The following LRRC3B variants were observed in gnomAD, a reference collection of about 807,000 sequenced individuals.
The protein encoded by LRRC3B is leucine-rich repeat-containing protein 3B.
In LRRC3B, 2 loss-of-function variants were observed where a neutral mutation model predicts 12.8. The observed-to-expected ratio is 0.16, with a 90% CI of 0.06 to 0.49. The LOEUF (loss-of-function observed/expected upper bound fraction) is 0.49, where lower values mean the gene tolerates loss of function less well. LRRC3B is among the 20% of genes least tolerant of loss of function. The pLI, the probability that LRRC3B is intolerant of heterozygous loss-of-function variation, is 0.96. For synonymous variants in LRRC3B, 132 were observed against 122.0 expected (o/e 1.08, Z -0.54); for missense variants, 189 against 319.4 (o/e 0.59, Z 3.11).
At chr3:26,627,529 G>A (rs1698654985) in intron 1 of LRRC3B, among the ~76,000 whole-genome samples, 1 of 152,100 alleles carries the variant, frequency 6.6e-6, no homozygotes, top group Non-Finnish European at 1.5e-5. Flanking sequence ...GAGGGATGAG[G>A]TGGAGGAAGA....
intron 1 of LRRC3B, among the ~76,000 whole-genome samples, chr3:26,652,054 T>C (rs966227612): frequency 7.9e-5 from 12 of 152,184 alleles, no homozygotes; most frequent in African/African-American, 2.9e-4. Flanking sequence ...TACACTGTCT[T>C]GATGCTTTGC....
chr3:26,642,575 T>C, intron 1 of LRRC3B, among the ~76,000 whole-genome samples: 1 of 152,198 alleles, frequency 6.6e-6, no homozygotes, highest in African/African-American at 2.4e-5. Context: ...AGCAAGCTGC[T>C]GGTACAGGTA....
intron 1 of LRRC3B, among the ~76,000 whole-genome samples, chr3:26,696,314 A>G (rs1034669581): frequency 6.6e-6 from 1 of 152,162 alleles, no homozygotes; most frequent in African/African-American, 2.4e-5. Flanking sequence ...TGAATTATGC[A>G]TTTTTTTATT....
intron 1 of LRRC3B, among the ~76,000 whole-genome samples, chr3:26,645,916 G>A (rs9812217): frequency 9.9e-5 from 15 of 151,932 alleles, no homozygotes; most frequent in Non-Finnish European, 1.8e-4. Flanking sequence ...TGAGTTTGCC[G>A]TCATATCAAG....
chr3:26,653,801 T>A (rs758911605), intron 1 of LRRC3B, among the ~76,000 whole-genome samples: 1 of 152,228 alleles, frequency 6.6e-6, no homozygotes, highest in Admixed American at 6.5e-5. Flanking sequence ...TGTACCCATA[T>A]GTGTGTCCTG....
intron 1 of LRRC3B, among the ~76,000 whole-genome samples, chr3:26,670,465 G>A (rs1366362300): frequency 6.6e-6 from 1 of 152,080 alleles, no homozygotes; most frequent in Non-Finnish European, 1.5e-5. Context: ...ATATCTTCGG[G>A]GAAATTATTT....
exon 2 of LRRC3B, chr3:26,710,518 T>A (rs748782523): frequency 5.5e-6 from 8 of 1,443,408 alleles, no homozygotes; most frequent in Non-Finnish European, 7.5e-6. Context: ...AATAAGTGGT[T>A]TACTTCTCCC....
intron 1 of LRRC3B, among the ~76,000 whole-genome samples, chr3:26,638,033 A>G (rs1698940019): frequency 6.6e-6 from 1 of 152,194 alleles, no homozygotes; most frequent in Non-Finnish European, 1.5e-5. Context: ...TGTAACAACT[A>G]ATTTAAATGG....
At chr3:26,653,838 T>A (rs1699315537) in intron 1 of LRRC3B, among the ~76,000 whole-genome samples, 1 of 152,208 alleles carries the variant, frequency 6.6e-6, no homozygotes, top group Non-Finnish European at 1.5e-5. Context: ...CACACAAAGA[T>A]ACCTTATTGA....
At chr3:26,634,234 G>A (rs548604848) in intron 1 of LRRC3B, among the ~76,000 whole-genome samples, 1 of 152,310 alleles carries the variant, frequency 6.6e-6, no homozygotes, top group East Asian at 1.9e-4. Flanking sequence ...TTGCTGTGAG[G>A]AGCTTTTTGG....
chr3:26,707,203 A>AG (rs1238270227), intron 1 of LRRC3B, among the ~76,000 whole-genome samples: 1 of 137,244 alleles, frequency 7.3e-6, no homozygotes, highest in Non-Finnish European at 1.6e-5. Context: ...AATACAGAAA[A>AG]AAAAAAAAAA....
At chr3:26,622,926 C>T (rs564625085) in exon 1 of LRRC3B, 8 of 151,940 alleles carry the variant, frequency 5.3e-5, no homozygotes, top group African/African-American at 1.9e-4. Context: ...CGCAGCAACG[C>T]GAGCCAAGTC....
rs1467224396 is a variant in LRRC3B, at chr3:26,669,599, ACT to A, written c.-160-39911_-160-39910del. Among the ~76,000 whole-genome samples, 3 of 152,310 alleles carry A rather than the reference ACT, an allele frequency of 2.0e-5. No homozygotes were observed. The East Asian group carries it at 5.8e-4, about 29-fold the overall frequency. On this transcript the variant is annotated intron_variant, in intron 1 of 1. Transcript: ENST00000396641. ...GCTTGATTTTTATTCTTTAAGATTTACTCTGTTAGTAAAATCTGTCTTATTTG... is the reference window on the plus strand; with the variant it reads ...GCTTGATTTTTATTCTTTAAGATTTACTGTTAGTAAAATCTGTCTTATTTG...
chr3:26,697,349 G>A (rs922097312), intron 1 of LRRC3B, among the ~76,000 whole-genome samples: 4 of 152,062 alleles, frequency 2.6e-5, no homozygotes, highest in African/African-American at 9.7e-5. Flanking sequence ...TTGACTTGTG[G>A]CTATATCACT....
intron 1 of LRRC3B, among the ~76,000 whole-genome samples, chr3:26,627,834 G>A (rs1698662700): frequency 6.6e-6 from 1 of 152,194 alleles, no homozygotes; most frequent in African/African-American, 2.4e-5. Flanking sequence ...ATCCAGAAGG[G>A]TGACCTTCTG....
At chr3:26,676,824 A>T (rs1182979415) in intron 1 of LRRC3B, among the ~76,000 whole-genome samples, 1 of 152,206 alleles carries the variant, frequency 6.6e-6, no homozygotes, top group Non-Finnish European at 1.5e-5. Context: ...AATAGCAAAG[A>T]CTTGGAACCA....
intron 1 of LRRC3B, among the ~76,000 whole-genome samples, chr3:26,704,512 C>T (rs143708108): frequency 3.3e-5 from 5 of 151,976 alleles, no homozygotes; most frequent in Admixed American, 2.0e-4. Flanking sequence ...ATATACATTG[C>T]TATTTATGTA....
At chr3:26,645,902 C>T (rs1041285376) in intron 1 of LRRC3B, among the ~76,000 whole-genome samples, 3 of 152,104 alleles carry the variant, frequency 2.0e-5, no homozygotes, top group African/African-American at 7.2e-5. Flanking sequence ...ATTCCCCTAG[C>T]CTTTGAGTTT....
rs117531329 is a variant in LRRC3B at position 26,633,623 on chromosome 3, T to G, written c.-161+10386T>G. Among the ~76,000 whole-genome samples the G allele has an allele frequency of 2.8e-4, 42 of 152,294 alleles. No individual in the cohort carries two copies. In the East Asian group the frequency reaches 8.1e-3, roughly 29 times the overall value. ...AATTTTTCATGGAACCAGGGACATT[T>G]GAACCGAATCCTGGAAGATGATTAC... On this transcript the variant is annotated intron_variant, in intron 1 of 1. Coordinates refer to ENST00000396641, the Ensembl canonical transcript of LRRC3B.
Sources: gnomAD v4.1 joint callset for allele counts (sites outside exome capture counted in the v4.1 genomes callset) on GRCh38, gnomAD v4.1.1 for gene constraint, MANE v1.5 for transcripts, NCBI Gene and HGNC (gene_info 2026-07-23, HGNC 2026-07-21) for gene names.